Variants in GPR89A observed in about 807,000 individuals in gnomAD.
GPR89A encodes golgi pH regulator A.
A neutral mutation model predicts 52.0 loss-of-function variants in GPR89A; 16 were observed. The ratio of observed to expected loss-of-function variants is 0.31; its 90% CI spans 0.21 to 0.47. The LOEUF (loss-of-function observed/expected upper bound fraction) is 0.47, where lower values mean the gene tolerates loss of function less well. Ranked by LOEUF, GPR89A falls within the 20% of genes least tolerant of loss-of-function variation. GPR89A has a pLI of 1.00. For missense variants in GPR89A, 135 were observed against 449.4 expected (o/e 0.30, Z 6.33); for synonymous variants, 55 against 150.9 (o/e 0.36, Z 4.66).
intron 2 of GPR89A, among the ~76,000 whole-genome samples, chr1:145,616,830 G>A (rs1275780009): frequency 1.3e-5 from 2 of 152,140 alleles, no homozygotes; most frequent in South Asian, 2.1e-4. Flanking sequence ...TGGTGACTCC[G>A]AGCCACAAAA....
chr1:145,646,996 C>A (rs1651037761), intron 9 of GPR89A, 179 bp from the exon 10 acceptor site: 1 of 748,168 alleles, frequency 1.3e-6, no homozygotes. Flanking sequence ...ATCCCAGTCT[C>A]TAGCTAAAAG....
At position 145,645,311 on chromosome 1, in the gene GPR89A, T is replaced by A. The variant is rs1226749966; in HGVS notation, c.728-873T>A. 5.2e-5 allele frequency: 17 copies of A among 328,894 alleles called. No individual in the cohort carries two copies. In the East Asian group the frequency reaches 1.4e-3, roughly 26 times the overall value. 20.4% of individuals were successfully genotyped at this position (328,894 alleles called of 1,614,324 possible). A position where few individuals can be genotyped will look rare whatever the true frequency, so the allele number is the denominator to read the frequency against. On this transcript the variant is annotated intron_variant, in intron 8 of 13. Coordinates refer to ENST00000313835, the MANE Select transcript of GPR89A (RefSeq NM_001097612.2). ...GAAGGGCACTTACTGATTTGGGTAATAGTGGGAAAAATCAGAGAGGAGGGA... is the reference window on the plus strand; with the variant it reads ...GAAGGGCACTTACTGATTTGGGTAAAAGTGGGAAAAATCAGAGAGGAGGGA...
chr1:145,641,395 T>A (rs1421735015), intron 7 of GPR89A, among the ~76,000 whole-genome samples: 3 of 151,800 alleles, frequency 2.0e-5, no homozygotes, highest in African/African-American at 7.3e-5. Flanking sequence ...TGAAAGATCC[T>A]TGTAGTGATG....
chr1:145,617,774 C>T (rs1185052850), intron 2 of GPR89A, among the ~76,000 whole-genome samples: 5 of 152,068 alleles, frequency 3.3e-5, no homozygotes, highest in South Asian at 4.1e-4. Flanking sequence ...ACCCTAGACT[C>T]GACATTTCCT....
chr1:145,611,666 A>T, intron 1 of GPR89A: 2 of 94,886 alleles, frequency 2.1e-5, no homozygotes, highest in Non-Finnish European at 2.1e-5. Context: ...TTTCTCTTCC[A>T]TTTCATAGCA....
At chr1:145,626,454 T>C (rs1448487436) in intron 5 of GPR89A, among the ~76,000 whole-genome samples, 1 of 152,104 alleles carries the variant, frequency 6.6e-6, no homozygotes, top group Non-Finnish European at 1.5e-5. Context: ...GTTTCAGTTT[T>C]ATTCTTTCCA....
chr1:145,670,340 A>AACTC lies in GPR89A; in HGVS notation c.*301_*304dup. The AACTC allele has an allele frequency of 1.1e-6, 1 of 906,160 alleles. No individual in the cohort carries two copies. The highest frequency in any genetic ancestry group is 1.6e-6 in the Non-Finnish European group (1 of 637,060). 56.1% of individuals were successfully genotyped at this position (906,160 alleles called of 1,614,324 possible). ...AAACTAAAGGTGAAAAATACACTGGAACTCTGGGGCAAGACATGTCTATGG... is the reference window on the plus strand; with the variant it reads ...AAACTAAAGGTGAAAAATACACTGGAACTCACTCTGGGGCAAGACATGTCTATGG... On this transcript the variant is annotated 3_prime_UTR_variant, in exon 14 of 14. Coordinates refer to ENST00000313835, the MANE Select transcript of GPR89A (RefSeq NM_001097612.2).
In GPR89A at chr1:145,608,025, G is replaced by C. The variant is rs1287114846; in HGVS notation, c.-109G>C. On this transcript the variant is annotated 5_prime_UTR_variant, in exon 1 of 14. Coordinates refer to ENST00000313835, the MANE Select transcript of GPR89A (RefSeq NM_001097612.2). ...CGTCGGGCTGGAGAGCCGCAGTCCC[G>C]GCTGCAGCACCTGGGAGAAGGCAGA... 4.4e-5 allele frequency: 59 copies of C among 1,343,910 alleles called. No individual in the cohort carries two copies. The highest frequency in any genetic ancestry group is 7.5e-5 in the South Asian group (6 of 80,264). 83.2% of individuals were successfully genotyped at this position (1,343,910 alleles called of 1,614,324 possible).
At chr1:145,613,445 G>A (rs587701768) in intron 1 of GPR89A, among the ~76,000 whole-genome samples, 12 of 152,212 alleles carry the variant, frequency 7.9e-5, no homozygotes, top group Admixed American at 6.5e-4. Flanking sequence ...TTTCCTTCAA[G>A]TGTGTCTTCC....
At chr1:145,665,435 G>GA (rs1247153895) in intron 11 of GPR89A, 127 bp from the exon 12 acceptor site, 46 of 1,253,578 alleles carry the variant, frequency 3.7e-5, no homozygotes, top group Non-Finnish European at 4.5e-5. Flanking sequence ...TCTCCCTTAA[G>GA]AAAAAAAATC....
chr1:145,617,785 A>G lies in GPR89A; in HGVS notation c.103-535A>G, dbSNP rs1203736819. Among the ~76,000 whole-genome samples, 4 of 152,058 alleles carry G rather than the reference A, an allele frequency of 2.6e-5. No homozygotes were observed. In the East Asian group the frequency reaches 7.7e-4, roughly 29 times the overall value. On this transcript the variant is annotated intron_variant, in intron 2 of 13. Coordinates refer to ENST00000313835, the MANE Select transcript of GPR89A (RefSeq NM_001097612.2). ...CACCACCCTAGACTCGACATTTCCT[A>G]GTTAGTTCTCCTAATTAGTAATAAG...
intron 10 of GPR89A, among the ~76,000 whole-genome samples, chr1:145,657,396 A>G (rs1651880521): frequency 6.7e-6 from 1 of 149,642 alleles, no homozygotes; most frequent in Non-Finnish European, 1.5e-5. Context: ...GTCTCAAAAA[A>G]AAAAAAAATT....
At chr1:145,648,941 A>C (rs1651253137) in intron 10 of GPR89A, among the ~76,000 whole-genome samples, 2 of 151,296 alleles carry the variant, frequency 1.3e-5, no homozygotes, top group Non-Finnish European at 2.9e-5. Flanking sequence ...AGTAGCTGGG[A>C]CTACAGGTGT....
chr1:145,625,974 A>T (rs1291068983), intron 5 of GPR89A, among the ~76,000 whole-genome samples: 2 of 150,430 alleles, frequency 1.3e-5, no homozygotes, highest in Admixed American at 6.6e-5. Context: ...GAATCAGTGG[A>T]TGGAAGAAAA....
intron 3 of GPR89A, among the ~76,000 whole-genome samples, chr1:145,619,812 A>G (rs587756134): frequency 1.2e-4 from 19 of 152,294 alleles, no homozygotes; most frequent in Admixed American, 9.1e-4. Context: ...TCAGGAGATC[A>G]AGACCATCCT....
chr1:145,617,882 G>T (rs1443231545), intron 2 of GPR89A, among the ~76,000 whole-genome samples: 4 of 151,930 alleles, frequency 2.6e-5, no homozygotes, highest in Non-Finnish European at 5.9e-5. Context: ...GGAGTTTATT[G>T]TCTGAAAGAG....
intron 1 of GPR89A, among the ~76,000 whole-genome samples, chr1:145,610,628 A>G (rs1212396182): frequency 9.2e-5 from 14 of 152,212 alleles, no homozygotes; most frequent in Admixed American, 2.6e-4. Flanking sequence ...CCCTGTAACA[A>G]CACTACCACA....
chr1:145,645,185 C>T (rs1202663233), intron 8 of GPR89A: 2 of 183,180 alleles, frequency 1.1e-5, no homozygotes, highest in Admixed American at 5.4e-5. Context: ...CCTCAAGGAG[C>T]TTACCCTCTA....
chr1:145,635,361 G>A (rs1339991279), intron 7 of GPR89A, among the ~76,000 whole-genome samples: 4 of 151,702 alleles, frequency 2.6e-5, no homozygotes, highest in South Asian at 4.2e-4. Flanking sequence ...AGCCCAGATC[G>A]CGCCACTGCA....
Sources: allele counts gnomAD v4.1 joint callset (sites outside exome capture counted in the v4.1 genomes callset), GRCh38; gene constraint gnomAD v4.1.1; transcripts MANE v1.5; gene names NCBI Gene and HGNC (gene_info 2026-07-23, HGNC 2026-07-21).